Variants in OR4E2 observed in about 807,000 individuals in gnomAD.
OR4E2 encodes olfactory receptor family 4 subfamily E member 2.
OR4E2 carries 9 observed loss-of-function variants against 11.0 expected under a neutral mutation model. That is an observed-to-expected ratio of 0.82 (90% confidence interval 0.49 to 1.43). The LOEUF is 1.43. OR4E2 is among the 40% of genes most tolerant of loss of function. The probability of loss-of-function intolerance (pLI) is 0.00; values close to 1 mark genes in which losing one functional copy is unlikely to be tolerated. For synonymous variants in OR4E2, 159 were observed against 147.3 expected, an observed-to-expected ratio of 1.08 and a Z score of -0.57; for missense variants, 441 against 382.0, an observed-to-expected ratio of 1.15 and a Z score of -1.29.
chr14:21,661,512 GT>G (rs1880325039), intron 3 of OR4E2, among the ~76,000 whole-genome samples: 1 of 152,124 alleles, frequency 6.6e-6, no homozygotes, highest in Non-Finnish European at 1.5e-5. Context: ...TGAATTAGTA[GT>G]TTGTAATCTT....
At position 21,657,377 on chromosome 14, in the gene OR4E2, CCTTCCTTCCTTT is replaced by C. The variant is rs1462556061; in HGVS notation, c.-103+792_-103+803del. 1.7e-4 allele frequency among the ~76,000 whole-genome samples: 25 copies of C among 144,896 alleles called. No individual in the cohort carries two copies. The South Asian group carries it at 2.2e-3, about 13-fold the overall frequency. ...TCCTTCCTTCCTTCCTTCCTTCCTT[CCTTCCTTCCTTT>C]CTTTCTTCCTTCCTTCCTTTCTTTC... On this transcript the variant is annotated intron_variant, in intron 2 of 3. Coordinates refer to ENST00000641524, the MANE Select transcript of OR4E2 (RefSeq NM_001001912.3).
In OR4E2 at chr14:21,667,597, A is replaced by C. The variant is rs977901448; in HGVS notation, c.*1573A>C. 2.0e-5 allele frequency: 3 copies of C among 152,354 alleles called. No individual in the cohort carries two copies. The highest frequency in any genetic ancestry group is 2.9e-5 in the Non-Finnish European group (2 of 68,030). The allele number at this position is 152,354 out of a possible 1,614,324, so 9.4% of individuals were successfully genotyped here. On this transcript the variant is annotated 3_prime_UTR_variant, in exon 4 of 4. Coordinates refer to ENST00000641524, the MANE Select transcript of OR4E2 (RefSeq NM_001001912.3). ...ATATCTATGATGAAATGAAGTCCAG[A>C]TATCACTACTATGTACATGTTAAAA...
intron 1 of OR4E2, among the ~76,000 whole-genome samples, chr14:21,655,479 A>G (rs1201056562): frequency 1.3e-5 from 2 of 152,164 alleles, no homozygotes; most frequent in African/African-American, 4.8e-5. Flanking sequence ...AACCTGGGAA[A>G]CATAGTGAGA....
rs538726362 is a variant in OR4E2 at position 21,665,932 on chromosome 14, C to G, written c.850C>G (p.Pro284Ala). 26 of 1,613,586 alleles carry G rather than the reference C, an allele frequency of 1.6e-5. No individual in the cohort carries two copies. In the Admixed American group the frequency reaches 3.2e-4, roughly 20 times the overall value. ...FYTVVTPLLN[P>A]FIYTLRNEEV... ...CACAGTGGTCACCCCTTTGCTGAAT[C>G]CCTTCATTTACACCTTGAGGAATGA... Residue 284 changes from proline (P) to alanine (A), a missense_variant, in exon 4 of 4, where the codon CCC (proline) becomes GCC (alanine). By Grantham distance (27) the Pro-to-Ala change is conservative (BLOSUM62 -1). Coordinates refer to ENST00000641524, the MANE Select transcript of OR4E2 (RefSeq NM_001001912.3).
At chr14:21,661,049 C>T (rs1880294478) in intron 3 of OR4E2, among the ~76,000 whole-genome samples, 1 of 152,114 alleles carries the variant, frequency 6.6e-6, no homozygotes, top group South Asian at 2.1e-4. Context: ...TTCTCACTTG[C>T]TTTTCCCTGT....
chr14:21,662,701 T>C lies in OR4E2; in HGVS notation c.-9+1955T>C, dbSNP rs368751288. ...TCACGTTGGTAGGCCTTTGTCACTA[T>C]TGTTCCTAATGTAAGCCCCATGACA... is the stretch of plus-strand genomic sequence containing the variant. On this transcript the variant is annotated intron_variant, in intron 3 of 3. Transcript: ENST00000641524. Among the ~76,000 whole-genome samples the C allele has an allele frequency of 8.5e-5, 13 of 152,348 alleles. No individual in the cohort carries two copies. The South Asian group carries it at 2.3e-3, about 27-fold the overall frequency.
rs1488904932 is a variant in OR4E2 at position 21,667,428 on chromosome 14, G to T, written c.*1404G>T. On this transcript the variant is annotated 3_prime_UTR_variant, in exon 4 of 4. Coordinates refer to ENST00000641524, the MANE Select transcript of OR4E2 (RefSeq NM_001001912.3). Reference sequence around the variant, plus strand: ...ACCTTTTAGTAATCAAAAGGACAAAGAATCAGAAGCAGTCTATTCATTAAA... The same window carrying T: ...ACCTTTTAGTAATCAAAAGGACAAATAATCAGAAGCAGTCTATTCATTAAA... 2 of 152,078 alleles carry T rather than the reference G, an allele frequency of 1.3e-5. No individual in the cohort carries two copies. The highest frequency in any genetic ancestry group is 1.5e-5 in the Non-Finnish European group (1 of 67,998). The allele number at this position is 152,078 out of a possible 1,614,324, so 9.4% of individuals were successfully genotyped here. A position where few individuals can be genotyped will look rare whatever the true frequency, so the allele number is the denominator to read the frequency against.
In OR4E2 at chr14:21,665,101, A is replaced by T; in HGVS notation, c.19A>T (p.Thr7Ser). The change falls in exon 4 of 4, where the codon ACA becomes TCA. Residue 7 changes from threonine (T) to serine (S), a missense_variant. Coordinates refer to ENST00000641524, the MANE Select transcript of OR4E2 (RefSeq NM_001001912.3). MDSLNQ[T>S]RVTEFVFLGL... ...TCATTGAATGGACAGTCTAAACCAA[A>T]CAAGAGTGACTGAATTTGTCTTCTT... is the stretch of plus-strand genomic sequence containing the variant. The T allele has an allele frequency of 6.2e-7, 1 of 1,610,260 alleles. No homozygotes were observed. Among genetic ancestry groups the T allele is most frequent in the Non-Finnish European group, 8.5e-7 (1 of 1,177,890 alleles).
chr14:21,657,424 CTTTCTT>C (rs1285920315), intron 2 of OR4E2, among the ~76,000 whole-genome samples: 2 of 111,176 alleles, frequency 1.8e-5, no homozygotes, highest in Non-Finnish European at 3.6e-5. Context: ...CTTTCTTTCT[CTTTCTT>C]TCTTCTTTCT....
At chr14:21,662,133 CTT>C (rs1880361153) in intron 3 of OR4E2, among the ~76,000 whole-genome samples, 1 of 55,484 alleles carries the variant, frequency 1.8e-5, no homozygotes. Flanking sequence ...TTTTCTGTGA[CTT>C]AAGTATATCT....
Position 21,666,015 on chromosome 14 carries a change from A to T in OR4E2, c.933A>T (p.Ser311=). The T allele has an allele frequency of 6.2e-7, 1 of 1,611,348 alleles. No individual in the cohort carries two copies. The highest frequency in any genetic ancestry group is 8.5e-7 in the Non-Finnish European group (1 of 1,177,888). Residue 311 remains serine, a synonymous_variant, in exon 4 of 4, where the codon TCA becomes TCT. Coordinates refer to ENST00000641524, the MANE Select transcript of OR4E2 (RefSeq NM_001001912.3). ...LRQRQVFFTK[S]YT ...AGAGACAAGTTTTTTTCACGAAATC[A>T]TATACATAATGGGCACTGGGATTGC... is the stretch of plus-strand genomic sequence containing the variant.
rs890862411 is a variant in OR4E2 at position 21,667,322 on chromosome 14, A to G, written c.*1298A>G. ...ATTCTGGAGAACTGGAGAGCAGACAACATAGCCATCCACACATTACAGACA... is the reference window on the plus strand; with the variant it reads ...ATTCTGGAGAACTGGAGAGCAGACAGCATAGCCATCCACACATTACAGACA... On this transcript the variant is annotated 3_prime_UTR_variant, in exon 4 of 4. Transcript: ENST00000641524. 8 of 152,184 alleles carry G rather than the reference A, an allele frequency of 5.3e-5. No homozygotes were observed. The highest frequency in any genetic ancestry group is 8.8e-5 in the Non-Finnish European group (6 of 68,028). 9.4% of individuals were successfully genotyped at this position (152,184 alleles called of 1,614,324 possible). A position where few individuals can be genotyped will look rare whatever the true frequency, so the allele number is the denominator to read the frequency against.
Position 21,665,650 on chromosome 14 carries a change from A to C in OR4E2, c.568A>C (p.Thr190Pro). Reference protein sequence around the residue: ...DVPLVIKLACTDTYLTGILIV... With the variant: ...DVPLVIKLACPDTYLTGILIV... The stretch of plus-strand genomic sequence containing the variant: ...GCCTCTTGTTATCAAGCTGGCCTGC[A>C]CAGATACATACCTCACAGGAATACT... Residue 190 changes from threonine (T) to proline (P), a missense_variant, in exon 4 of 4, where the codon ACA becomes CCA. Coordinates refer to ENST00000641524, the MANE Select transcript of OR4E2 (RefSeq NM_001001912.3). 6.2e-7 allele frequency: 1 copy of C among 1,614,178 alleles called. No individual in the cohort carries two copies. The highest frequency in any genetic ancestry group is 8.5e-7 in the Non-Finnish European group (1 of 1,180,032).
Position 21,653,909 on chromosome 14 carries a change from T to C in OR4E2, c.-221T>C, listed in dbSNP as rs1879785787. The stretch of plus-strand genomic sequence containing the variant: ...TCTATAATAGGGTATCAGAGGCGAA[T>C]GGAATCATTAGAGGAGATACAGAGT... On this transcript the variant is annotated 5_prime_UTR_variant, in exon 1 of 4. It removes an upstream start codon present in the reference 5' UTR. Coordinates refer to ENST00000641524, the MANE Select transcript of OR4E2 (RefSeq NM_001001912.3). The C allele has an allele frequency of 6.6e-6, 1 of 152,204 alleles. No homozygotes were observed. The highest frequency in any genetic ancestry group is 2.1e-4 in the South Asian group (1 of 4,830). The allele number at this position is 152,204 out of a possible 1,614,324, so 9.4% of individuals were successfully genotyped here.
In OR4E2 at chr14:21,665,916, C is replaced by T; in HGVS notation, c.834C>T (p.Val278=). The T allele has an allele frequency of 6.2e-7, 1 of 1,612,886 alleles. No individual in the cohort carries two copies. Among genetic ancestry groups the T allele is most frequent in the East Asian group, 2.2e-5 (1 of 44,878 alleles). ...DKVVSVFYTV[V]TPLLNPFIYT... ...TGGTGTCTGTCTTCTACACAGTGGT[C>T]ACCCCTTTGCTGAATCCCTTCATTT... Residue 278 remains valine (V), a synonymous_variant, in exon 4 of 4, where the codon GTC becomes GTT. Coordinates refer to ENST00000641524, the MANE Select transcript of OR4E2 (RefSeq NM_001001912.3).
chr14:21,663,205 C>T (rs978312134), intron 3 of OR4E2, among the ~76,000 whole-genome samples: 8 of 152,068 alleles, frequency 5.3e-5, no homozygotes, highest in Non-Finnish European at 8.8e-5. Context: ...TTAGTCTGGG[C>T]GCGGTGGCTC....
intron 1 of OR4E2, among the ~76,000 whole-genome samples, chr14:21,654,393 C>T (rs1879811970): frequency 6.7e-6 from 1 of 150,136 alleles, no homozygotes; most frequent in South Asian, 2.1e-4. Context: ...TGCACACACA[C>T]ACACGCATGC....
intron 1 of OR4E2, among the ~76,000 whole-genome samples, chr14:21,655,109 C>A (rs564631422): frequency 1.3e-5 from 2 of 152,006 alleles, no homozygotes; most frequent in South Asian, 2.1e-4. Context: ...GGCCTAGCCA[C>A]GATGACACAG....
intron 2 of OR4E2, among the ~76,000 whole-genome samples, chr14:21,659,632 G>A (rs190085290): frequency 1.3e-5 from 2 of 152,196 alleles, no homozygotes. Context: ...AATATATTTT[G>A]AGGTATAATC....
Sources: gnomAD v4.1 joint callset for allele counts (sites outside exome capture counted in the v4.1 genomes callset) on GRCh38, gnomAD v4.1.1 for gene constraint, MANE v1.5 for transcripts, NCBI Gene and HGNC (gene_info 2026-07-23, HGNC 2026-07-21) for gene names.